The following NDUFAF2 variants were observed in gnomAD, a reference collection of about 807,000 sequenced individuals.
NDUFAF2 encodes the protein NADH:ubiquinone oxidoreductase complex assembly factor 2, also known as NADH dehydrogenase [ubiquinone] 1 alpha subcomplex assembly factor 2.
NDUFAF2 carries 13 observed loss-of-function variants against 22.8 expected under a neutral mutation model. The ratio of observed to expected loss-of-function variants is 0.57; its 90% CI spans 0.37 to 0.91. The LOEUF (loss-of-function observed/expected upper bound fraction) is 0.91, where lower values mean the gene tolerates loss of function less well. NDUFAF2 is among the 40% of genes least tolerant of loss of function. NDUFAF2 has a pLI of 0.01. For missense variants in NDUFAF2, 162 were observed against 195.2 expected, an observed-to-expected ratio of 0.83 and a Z score of 1.01; for synonymous variants, 53 against 64.2, an observed-to-expected ratio of 0.83 and a Z score of 0.84.
chr5:61,027,039 T>C (rs527271983), intron 1 of NDUFAF2, among the ~76,000 whole-genome samples: 1 of 151,736 alleles, frequency 6.6e-6, no homozygotes, highest in Non-Finnish European at 1.5e-5. Context: ...AAAAATATTA[T>C]CCTTATTAAG....
intron 1 of NDUFAF2, among the ~76,000 whole-genome samples, chr5:60,994,046 G>T (rs1308976665): frequency 6.6e-6 from 1 of 152,202 alleles, no homozygotes; most frequent in African/African-American, 2.4e-5. Context: ...GCTGCCCTCA[G>T]TCCCCCACGG....
At chr5:61,137,068 C>G (rs1034241903) in intron 3 of NDUFAF2, among the ~76,000 whole-genome samples, 3 of 152,182 alleles carry the variant, frequency 2.0e-5, no homozygotes, top group Admixed American at 1.3e-4. Flanking sequence ...TTATTATCCC[C>G]TCACTTTCTA....
chr5:61,047,059 G>C (rs1291442004), intron 1 of NDUFAF2, among the ~76,000 whole-genome samples: 1 of 152,070 alleles, frequency 6.6e-6, no homozygotes, highest in Non-Finnish European at 1.5e-5. Flanking sequence ...AGAGCATCAG[G>C]ACTTACTCTT....
chr5:60,965,239 A>T (rs1750739165), intron 1 of NDUFAF2, among the ~76,000 whole-genome samples: 1 of 152,104 alleles, frequency 6.6e-6, no homozygotes, highest in African/African-American at 2.4e-5. Flanking sequence ...TTTTCCTCCG[A>T]CTTTATTAAG....
intron 1 of NDUFAF2, among the ~76,000 whole-genome samples, chr5:60,965,549 C>T (rs1000568347): frequency 6.6e-6 from 1 of 152,144 alleles, no homozygotes; most frequent in Non-Finnish European, 1.5e-5. Context: ...CTGGCAACCA[C>T]CATTCTACCC....
intron 2 of NDUFAF2, among the ~76,000 whole-genome samples, chr5:61,075,870 C>T (rs1336553606): frequency 6.6e-6 from 1 of 152,092 alleles, no homozygotes; most frequent in Non-Finnish European, 1.5e-5. Flanking sequence ...CATATTCTCC[C>T]ACAATGTAGA....
chr5:61,054,653 A>G (rs1452729270), intron 1 of NDUFAF2, among the ~76,000 whole-genome samples: 1 of 152,206 alleles, frequency 6.6e-6, no homozygotes, highest in Non-Finnish European at 1.5e-5. Context: ...GTGACTTCAT[A>G]TTGACAGACT....
intron 1 of NDUFAF2, among the ~76,000 whole-genome samples, chr5:61,047,040 C>T (rs928793586): frequency 2.2e-4 from 33 of 152,116 alleles, no homozygotes; most frequent in Non-Finnish European, 3.4e-4. Flanking sequence ...AGGGCTAATA[C>T]GAATTTCAAG....
rs34608613 is a variant in NDUFAF2 at position 61,035,070 on chromosome 5, A to ATT, written c.128-38042_128-38041dup. ...AACCCACTGCTTGAGAAGATAGTGT[A>ATT]TTTTTTTTTTTTTTGAGACAGAGTC... On this transcript the variant is annotated intron_variant, in intron 1 of 3. Transcript: ENST00000296597. Among the ~76,000 whole-genome samples, 534 of 142,922 alleles carry ATT rather than the reference A, an allele frequency of 3.7e-3. 7 individuals are homozygous for ATT. The highest frequency in any genetic ancestry group is 0.013 in the African/African-American group (490 of 38,882). 93.8% of individuals were successfully genotyped at this position (142,922 alleles called of 152,430 possible). A position where few individuals can be genotyped will look rare whatever the true frequency, so the allele number is the denominator to read the frequency against.
At chr5:61,099,935 C>G (rs2111768669) in intron 3 of NDUFAF2, among the ~76,000 whole-genome samples, 1 of 152,274 alleles carries the variant, frequency 6.6e-6, no homozygotes, top group Non-Finnish European at 1.5e-5. Context: ...GATACCTCAA[C>G]TGGCATGCTT....
chr5:61,016,932 C>G (rs926415875), intron 1 of NDUFAF2, among the ~76,000 whole-genome samples: 1 of 152,132 alleles, frequency 6.6e-6, no homozygotes, highest in African/African-American at 2.4e-5. Flanking sequence ...CAGGCCTATC[C>G]CGAAGAAAGT....
chr5:61,085,516 T>C (rs1343655859), intron 2 of NDUFAF2, among the ~76,000 whole-genome samples: 2 of 152,178 alleles, frequency 1.3e-5, no homozygotes, highest in African/African-American at 4.8e-5. Flanking sequence ...TTTGACTATT[T>C]ACATTTCACA....
intron 3 of NDUFAF2, among the ~76,000 whole-genome samples, chr5:61,105,384 C>G (rs1752749689): frequency 6.6e-6 from 1 of 150,930 alleles, no homozygotes; most frequent in African/African-American, 2.5e-5. Flanking sequence ...TGTATAGAAT[C>G]CTACTTCCTG....
chr5:60,978,089 A>C (rs570245291), intron 1 of NDUFAF2, among the ~76,000 whole-genome samples: 1 of 152,216 alleles, frequency 6.6e-6, no homozygotes, highest in Non-Finnish European at 1.5e-5. Context: ...TGGGGAAGGG[A>C]GAGTGCCGGG....
At chr5:60,997,759 G>T (rs1192320555) in intron 1 of NDUFAF2, among the ~76,000 whole-genome samples, 2 of 152,074 alleles carry the variant, frequency 1.3e-5, no homozygotes, top group African/African-American at 4.8e-5. Flanking sequence ...ACTGTGCTTG[G>T]ATTCCCTCCA....
At chr5:61,065,629 C>T (rs528119836) in intron 1 of NDUFAF2, among the ~76,000 whole-genome samples, 12 of 152,108 alleles carry the variant, frequency 7.9e-5, no homozygotes, top group South Asian at 4.1e-4. Context: ...GAAAAGCTTT[C>T]GACAAAGTGT....
At chr5:60,948,402 C>T (rs771971372) in intron 1 of NDUFAF2, among the ~76,000 whole-genome samples, 9 of 151,904 alleles carry the variant, frequency 5.9e-5, no homozygotes, top group East Asian at 1.9e-4. Flanking sequence ...TTAGTAGAGA[C>T]GGGGTTTCAC....
At chr5:61,083,968 C>T (rs535107589) in intron 2 of NDUFAF2, among the ~76,000 whole-genome samples, 3 of 151,684 alleles carry the variant, frequency 2.0e-5, no homozygotes, top group Non-Finnish European at 1.5e-5. Context: ...TTTTTTCTTG[C>T]CTTACTGCAC....
At chr5:60,975,079 G>T (rs554944487) in intron 1 of NDUFAF2, among the ~76,000 whole-genome samples, 1 of 152,246 alleles carries the variant, frequency 6.6e-6, no homozygotes, top group Admixed American at 6.5e-5. Context: ...AAAGTGCTGG[G>T]ATTATAGGTG....
Sources: allele counts gnomAD v4.1 joint callset (sites outside exome capture counted in the v4.1 genomes callset), GRCh38; gene constraint gnomAD v4.1.1; transcripts MANE v1.5; gene names NCBI Gene and HGNC (gene_info 2026-07-23, HGNC 2026-07-21).